The following SLC43A2 variants were observed in gnomAD, a reference collection of about 807,000 sequenced individuals.
SLC43A2 encodes solute carrier family 43 member 2, also known as large neutral amino acids transporter small subunit 4.
In SLC43A2, 38 loss-of-function variants were observed where a neutral mutation model predicts 63.2. The ratio of observed to expected loss-of-function variants is 0.60; its 90% CI spans 0.46 to 0.79. The LOEUF (loss-of-function observed/expected upper bound fraction) is 0.79. Ranked by LOEUF, SLC43A2 falls within the 30% of genes least tolerant of loss-of-function variation. The probability of loss-of-function intolerance (pLI) is 0.00; values close to 1 mark genes in which losing one functional copy is unlikely to be tolerated. For synonymous variants in SLC43A2, 322 were observed against 331.0 expected (o/e 0.97, Z 0.30); for missense variants, 644 against 756.2 (o/e 0.85, Z 1.74).
intron 5 of SLC43A2, among the ~76,000 whole-genome samples, chr17:1,610,192 A>C (rs1230937388): frequency 6.6e-6 from 1 of 152,090 alleles, no homozygotes; most frequent in Non-Finnish European, 1.5e-5. Context: ...TGCTGGGATT[A>C]CAGGTGTGAG....
Position 1,593,073 on chromosome 17 carries a change from G to C in SLC43A2, c.594+114C>G. The stretch of plus-strand genomic sequence containing the variant: ...CCCAGGTGCATCCTGCCCGGGTGGG[G>C]GTGGTGGAGAGGGGCCACCCCGGGT... On this transcript the variant is annotated intron_variant, in intron 6 of 13. Coordinates refer to ENST00000301335, the MANE Select transcript of SLC43A2 (RefSeq NM_152346.3). The surrounding 1 kb of genome is among the most constrained non-coding windows in gnomAD (Gnocchi z 5.3). 1.1e-6 allele frequency: 1 copy of C among 929,224 alleles called. No homozygotes were observed. The highest frequency in any genetic ancestry group is 1.7e-6 in the Non-Finnish European group (1 of 590,090). 57.6% of individuals were successfully genotyped at this position (929,224 alleles called of 1,614,324 possible). A position where few individuals can be genotyped will look rare whatever the true frequency, so the allele number is the denominator to read the frequency against.
In SLC43A2 at chr17:1,571,897, G is replaced by T. The variant is rs548638773; in HGVS notation, c.*3707C>A. ...GGAGAGGGACTGGGGGCAGTGTTTC[G>T]GCAGCAGACCCAGACCCAGACTCAG... On this transcript the variant is annotated 3_prime_UTR_variant, in exon 14 of 14. Transcript: ENST00000301335. The surrounding 1 kb of genome is among the most constrained non-coding windows in gnomAD (Gnocchi z 5.2). 1.3e-5 allele frequency: 2 copies of T among 152,266 alleles called. No individual in the cohort carries two copies. Among genetic ancestry groups the T allele is most frequent in the Non-Finnish European group, 2.9e-5 (2 of 68,270 alleles). The allele number at this position is 152,266 out of a possible 1,614,324, so 9.4% of individuals were successfully genotyped here. A position where few individuals can be genotyped will look rare whatever the true frequency, so the allele number is the denominator to read the frequency against.
chr17:1,605,584 G>A lies in SLC43A2; in HGVS notation c.501+7611C>T, dbSNP rs1422572630. Among the ~76,000 whole-genome samples the A allele has an allele frequency of 2.7e-5, 4 of 148,684 alleles. No homozygotes were observed. Among genetic ancestry groups the A allele is most frequent in the Non-Finnish European group, 6.0e-5 (4 of 66,844 alleles). On this transcript the variant is annotated intron_variant, in intron 5 of 13. Coordinates refer to ENST00000301335, the MANE Select transcript of SLC43A2 (RefSeq NM_152346.3). The surrounding 1 kb of genome is among the most constrained non-coding windows in gnomAD (Gnocchi z 4.9). ...GAGCTGGGTGGTGGGTGGGGGCTGC[G>A]GAGCTGGGAGGTGGGTGGGGGCTGG...
At chr17:1,595,213 G>A (rs949614077) in intron 5 of SLC43A2, among the ~76,000 whole-genome samples, 3 of 151,730 alleles carry the variant, frequency 2.0e-5, no homozygotes, top group Non-Finnish European at 2.9e-5. Context: ...CCCGGGAGGC[G>A]GAGCTTGCAG....
rs188707420 is a variant in SLC43A2 at position 1,603,336 on chromosome 17, T to C, written c.501+9859A>G. ...CTTGTTATTCTGTTGTGACCACACA[T>C]TGACTGCTGTCAGGATGTTTATGCT... On this transcript the variant is annotated intron_variant, in intron 5 of 13. Transcript: ENST00000301335. 1.7e-4 allele frequency: 26 copies of C among 152,262 alleles called. No homozygotes were observed. The East Asian group carries it at 4.6e-3, about 27-fold the overall frequency. 9.4% of individuals were successfully genotyped at this position (152,262 alleles called of 1,614,324 possible). A position where few individuals can be genotyped will look rare whatever the true frequency, so the allele number is the denominator to read the frequency against.
chr17:1,587,862 AG>A (rs1238953884), intron 9 of SLC43A2, among the ~76,000 whole-genome samples: 1 of 152,216 alleles, frequency 6.6e-6, no homozygotes, highest in African/African-American at 2.4e-5. Context: ...GTGGGGGTGC[AG>A]GGGGCACCCG....
At position 1,574,782 on chromosome 17, in the gene SLC43A2, A is replaced by G. The variant is rs2075895234; in HGVS notation, c.*822T>C. The G allele has an allele frequency of 7.0e-6, 1 of 141,974 alleles. No homozygotes were observed. The highest frequency in any genetic ancestry group is 2.6e-5 in the African/African-American group (1 of 38,210). The allele number at this position is 141,974 out of a possible 1,614,324, so 8.8% of individuals were successfully genotyped here. A position where few individuals can be genotyped will look rare whatever the true frequency, so the allele number is the denominator to read the frequency against. On this transcript the variant is annotated 3_prime_UTR_variant, in exon 14 of 14. Coordinates refer to ENST00000301335, the MANE Select transcript of SLC43A2 (RefSeq NM_152346.3). Reference sequence around the variant, plus strand: ...CCCCACACACACCTCGGACCCACCCACGTCCCCACCCCGGCCTGGACCTCC... The same window carrying G: ...CCCCACACACACCTCGGACCCACCCGCGTCCCCACCCCGGCCTGGACCTCC...
intron 9 of SLC43A2, among the ~76,000 whole-genome samples, chr17:1,588,089 G>A (rs1567618172): frequency 2.6e-5 from 4 of 152,250 alleles, no homozygotes; most frequent in South Asian, 2.1e-4. Context: ...CATGGGCCAC[G>A]TCTTCCCCAT....
At chr17:1,576,860 TC>T (rs2075941281) in intron 12 of SLC43A2, 140 bp from the exon 13 acceptor site, 1 of 950,050 alleles carries the variant, frequency 1.1e-6, no homozygotes. Flanking sequence ...GCTGGGCAGT[TC>T]TGTTTTTTTT....
In SLC43A2 at chr17:1,583,269, C is replaced by T. The variant is rs758550681; in HGVS notation, c.1285G>A (p.Ala429Thr). 4.6e-5 allele frequency: 74 copies of T among 1,614,070 alleles called. No homozygotes were observed. The Middle Eastern group carries it at 8.2e-4, about 18-fold the overall frequency. Residue 429 changes from alanine to threonine, a missense_variant, in exon 11 of 14, where the codon GCC becomes ACC. Coordinates refer to ENST00000301335, the MANE Select transcript of SLC43A2 (RefSeq NM_152346.3). This position sits in a 1 kb window ranked among gnomAD's most constrained non-coding sequence, Gnocchi z 5.5. The stretch of plus-strand genomic sequence containing the variant: ...CCCACGAGCAGCAGGTTGGTGAAGG[C>T]GAAGGCCCGCATGGCATTAGTGATC... ...QKITNAMRAFAFTNLLLVGFG... is the reference protein window; with the variant it reads ...QKITNAMRAFTFTNLLLVGFG...
intron 2 of SLC43A2, 52 bp downstream of exon 2, chr17:1,627,648 CCCCATCCCGCCCCCT>C: frequency 7.7e-6 from 5 of 650,904 alleles, no homozygotes; most frequent in African/African-American, 1.9e-5. Flanking sequence ...AGGTCTTCGC[CCCCATCCCGCCCCCT>C]CCCAAAGCCC....
chr17:1,615,533 GAAAA>G (rs113237456), intron 3 of SLC43A2, among the ~76,000 whole-genome samples: 1 of 113,228 alleles, frequency 8.8e-6, no homozygotes, highest in African/African-American at 3.2e-5. Flanking sequence ...AACTCAAAAG[GAAAA>G]AAAAAAAAAA....
At chr17:1,600,022 T>G (rs546966849) in intron 5 of SLC43A2, among the ~76,000 whole-genome samples, 11 of 142,568 alleles carry the variant, frequency 7.7e-5, no homozygotes, top group Non-Finnish European at 1.5e-4. Flanking sequence ...CCAGCCTGGG[T>G]GACAGAGCAA....
chr17:1,582,507 C>A (rs1367410866), intron 11 of SLC43A2, among the ~76,000 whole-genome samples: 5 of 152,202 alleles, frequency 3.3e-5, no homozygotes, highest in African/African-American at 1.2e-4. Context: ...TTGGCCAGAT[C>A]TCTTTGGACG....
intron 2 of SLC43A2, among the ~76,000 whole-genome samples, chr17:1,619,537 A>C (rs1329264290): frequency 6.6e-6 from 1 of 152,164 alleles, no homozygotes; most frequent in Non-Finnish European, 1.5e-5. Flanking sequence ...TCAGCCAAAC[A>C]CATGGCAGAC....
rs190185604 is a variant in SLC43A2, at chr17:1,623,523, C to T, written c.160+4192G>A. On this transcript the variant is annotated intron_variant, in intron 2 of 13. Transcript: ENST00000301335. Reference sequence around the variant, plus strand: ...TGGTCGCCCTCCTCTATCTCCCTGGCTTCCTCCTGTCTTGGGAATAAAATT... The same window carrying T: ...TGGTCGCCCTCCTCTATCTCCCTGGTTTCCTCCTGTCTTGGGAATAAAATT... 1.2e-3 allele frequency among the ~76,000 whole-genome samples: 180 copies of T among 152,260 alleles called. 1 individual carries two copies. The highest frequency in any genetic ancestry group is 4.0e-3 in the African/African-American group (165 of 41,534).
At position 1,571,626 on chromosome 17, in the gene SLC43A2, C is replaced by T. The variant is rs1388338974; in HGVS notation, c.*3978G>A. On this transcript the variant is annotated 3_prime_UTR_variant, in exon 14 of 14. Transcript: ENST00000301335. This position sits in a 1 kb window ranked among gnomAD's most constrained non-coding sequence, Gnocchi z 5.2. ...GGGGCCTATGGCAAAGTGACGCCCCCCTCGGAGTGCACGGCAGGCAAGGAA... is the reference window on the plus strand; with the variant it reads ...GGGGCCTATGGCAAAGTGACGCCCCTCTCGGAGTGCACGGCAGGCAAGGAA... The T allele has an allele frequency of 6.6e-6, 1 of 152,400 alleles. No homozygotes were observed. The highest frequency in any genetic ancestry group is 2.1e-4 in the South Asian group (1 of 4,836). The allele number at this position is 152,400 out of a possible 1,614,324, so 9.4% of individuals were successfully genotyped here.
At chr17:1,586,928 T>TCCCCCCCCCCCCCCGCCCC in intron 9 of SLC43A2, 1 of 1,232,916 alleles carries the variant, frequency 8.1e-7, no homozygotes, top group South Asian at 1.3e-5. Context: ...TCCCTGACAA[T>TCCCCCCCCCCCCCCGCCCC]CCCCCCCACC....
intron 9 of SLC43A2, among the ~76,000 whole-genome samples, chr17:1,587,840 C>T (rs529701171): frequency 6.6e-6 from 1 of 152,338 alleles, no homozygotes; most frequent in African/African-American, 2.4e-5. Context: ...ACAGGTGGCC[C>T]CTGACTAGGG....
Sources: allele counts gnomAD v4.1 joint callset (sites outside exome capture counted in the v4.1 genomes callset), GRCh38; gene constraint gnomAD v4.1.1; non-coding constraint Gnocchi (gnomAD v3.1); transcripts MANE v1.5; gene names NCBI Gene and HGNC (gene_info 2026-07-23, HGNC 2026-07-21).